Variants in PLCE1 observed in about 807,000 individuals in gnomAD.
The protein encoded by PLCE1 is phospholipase C epsilon 1, also known as 1-phosphatidylinositol 4,5-bisphosphate phosphodiesterase epsilon-1.
Under a neutral mutation model 242.8 loss-of-function variants are expected in PLCE1, and 119 were observed. The observed-to-expected ratio is 0.49, with a 90% CI of 0.42 to 0.57. The LOEUF (loss-of-function observed/expected upper bound fraction) is 0.57. Among genes scored for constraint, PLCE1 ranks in the 20% least tolerant of loss-of-function variants. PLCE1 has a pLI of 0.00. For synonymous variants in PLCE1, 945 were observed against 1,017.4 expected, an observed-to-expected ratio of 0.93 and a Z score of 1.35; for missense variants, 2,441 against 2,788.8, an observed-to-expected ratio of 0.88 and a Z score of 2.81.
At chr10:94,085,202 G>C (rs2044771033) in intron 2 of PLCE1, among the ~76,000 whole-genome samples, 1 of 152,106 alleles carries the variant, frequency 6.6e-6, no homozygotes, top group Non-Finnish European at 1.5e-5. Flanking sequence ...GCAGGATTTG[G>C]GGGGACATTA....
rs758602063 is a variant in PLCE1, at chr10:94,268,979, C to T, written c.4332C>T (p.Asp1444=). The T allele has an allele frequency of 2.6e-5, 42 of 1,612,176 alleles. No individual in the cohort carries two copies. Among genetic ancestry groups the T allele is most frequent in the Admixed American group, 3.3e-5 (2 of 59,928 alleles). The change falls in exon 17 of 33, where the codon GAC becomes GAT. Residue 1444 remains aspartate (D), a synonymous_variant. Coordinates refer to ENST00000371380, the MANE Select transcript of PLCE1 (RefSeq NM_016341.4). The stretch of plus-strand genomic sequence containing the variant: ...TAGAATTGGACTGCTGGGACGGAGA[C>T]GATGGGATGCCCATCATTTATCATG... ...RSVELDCWDG[D]DGMPIIYHGH...
At chr10:94,037,239 T>C (rs2061682168) in intron 2 of PLCE1, among the ~76,000 whole-genome samples, 1 of 152,196 alleles carries the variant, frequency 6.6e-6, no homozygotes, top group East Asian at 1.9e-4. Flanking sequence ...TGATTCTATA[T>C]TTTGTCTCTT....
chr10:94,076,688 A>AG (rs2044512239), intron 2 of PLCE1, among the ~76,000 whole-genome samples: 1 of 151,718 alleles, frequency 6.6e-6, no homozygotes, highest in Non-Finnish European at 1.5e-5. Context: ...GCAGACTGGA[A>AG]TACTTCCAGT....
intron 7 of PLCE1, among the ~76,000 whole-genome samples, chr10:94,242,083 C>T (rs1337688014): frequency 6.6e-6 from 1 of 152,044 alleles, no homozygotes; most frequent in Non-Finnish European, 1.5e-5. Context: ...TAACATTAAA[C>T]CCAGGATGAC....
rs367656255 is a variant in PLCE1 at position 94,234,095 on chromosome 10, C to T, written c.1997C>T (p.Ser666Phe). Residue 666 changes from serine (S) to phenylalanine (F), a missense_variant, in exon 6 of 33, where the codon TCT (serine) becomes TTT (phenylalanine). Ser to Phe is a radical substitution (Grantham distance 155). Around this residue, in one of 5 missense-constraint regions of PLCE1, gnomAD observed 733 missense variants for 754.2 expected, o/e 0.97. Transcript: ENST00000371380. ...AAAATGTGGCAGTTCATGGACCAGT[C>T]TGATATTGAGACCATGAGGAGCCTG... is the stretch of plus-strand genomic sequence containing the variant. ...VLKMWQFMDQ[S>F]DIETMRSLKD... 1.9e-6 allele frequency: 3 copies of T among 1,613,608 alleles called. No homozygotes were observed. The highest frequency in any genetic ancestry group is 2.5e-6 in the Non-Finnish European group (3 of 1,179,664).
Position 94,258,935 on chromosome 10 carries a change from G to T in PLCE1, c.3677+13G>T, listed in dbSNP as rs748709700. 4 of 1,614,066 alleles carry T rather than the reference G, an allele frequency of 2.5e-6. No homozygotes were observed. The Admixed American group carries it at 6.7e-5, about 27-fold the overall frequency. On this transcript the variant is annotated intron_variant, in intron 12 of 32. Coordinates refer to ENST00000371380, the MANE Select transcript of PLCE1 (RefSeq NM_016341.4). The stretch of plus-strand genomic sequence containing the variant: ...TCAAATCATTCAGGTACAGTCTTAT[G>T]TTTCCTTCTTATTCTTTCTCAGGCC...
rs539799063 is a variant in PLCE1 at position 94,293,261 on chromosome 10, T to C, written c.5036-247T>C. 7.8e-4 allele frequency among the ~76,000 whole-genome samples: 119 copies of C among 152,352 alleles called. 1 individual carries two copies. The highest frequency in any genetic ancestry group is 2.7e-3 in the African/African-American group (111 of 41,582). On this transcript the variant is annotated intron_variant, in intron 22 of 32. Transcript: ENST00000371380. Reference sequence around the variant, plus strand: ...TCTGATGCACAATCAGCTAAGTGTGTGTGTGATTTTGTGGTCATTCTGTGA... The same window carrying C: ...TCTGATGCACAATCAGCTAAGTGTGCGTGTGATTTTGTGGTCATTCTGTGA...
intron 2 of PLCE1, among the ~76,000 whole-genome samples, chr10:94,047,271 GTAGTCT>G (rs1174379957): frequency 1.3e-5 from 2 of 152,130 alleles, no homozygotes; most frequent in African/African-American, 2.4e-5. Context: ...GGTAATTTGG[GTAGTCT>G]TAGAAGGCTT....
intron 1 of PLCE1, among the ~76,000 whole-genome samples, chr10:94,020,663 T>A (rs1050346506): frequency 2.0e-5 from 3 of 152,136 alleles, no homozygotes; most frequent in Non-Finnish European, 2.9e-5. Context: ...AGATAGGGGT[T>A]GAGGTTCATT....
At position 94,070,824 on chromosome 10, in the gene PLCE1, T is replaced by A. The variant is rs184062094; in HGVS notation, c.1206+38572T>A. On this transcript the variant is annotated intron_variant, in intron 2 of 32. Coordinates refer to ENST00000371380, the MANE Select transcript of PLCE1 (RefSeq NM_016341.4). ...GTCTCCCCAGCTTCTATCTTTTCCC[T>A]ACATACAGGCTCAATTCCCATATCT... Among the ~76,000 whole-genome samples, 196 of 152,320 alleles carry A rather than the reference T, an allele frequency of 1.3e-3. 1 individual carries two copies. Among genetic ancestry groups the A allele is most frequent in the African/African-American group, 3.9e-3 (164 of 41,578 alleles).
rs879657795 is a variant in PLCE1, at chr10:94,298,167, GAGCCACCACACCC to G, written c.5168-200_5168-188del. Among the ~76,000 whole-genome samples, 4 of 152,154 alleles carry G rather than the reference GAGCCACCACACCC, an allele frequency of 2.6e-5. No individual in the cohort carries two copies. Among genetic ancestry groups the G allele is most frequent in the Admixed American group, 2.0e-4 (3 of 15,264 alleles). ...CCCAAAGTGCTGGGATTATAGGAATGAGCCACCACACCCAGCCACCACACTCATTTTAAAACTA... is the reference window on the plus strand; with the variant it reads ...CCCAAAGTGCTGGGATTATAGGAATGAGCCACCACACTCATTTTAAAACTA... On this transcript the variant is annotated intron_variant, in intron 23 of 32. Coordinates refer to ENST00000371380, the MANE Select transcript of PLCE1 (RefSeq NM_016341.4). This position sits in a 1 kb window ranked among gnomAD's most constrained non-coding sequence, Gnocchi z 5.2.
intron 17 of PLCE1, among the ~76,000 whole-genome samples, chr10:94,269,733 G>C (rs1458360466): frequency 6.6e-6 from 1 of 152,186 alleles, no homozygotes; most frequent in Admixed American, 6.5e-5. Flanking sequence ...TCAGGAGTTA[G>C]GAGATGGTTA....
intron 1 of PLCE1, among the ~76,000 whole-genome samples, chr10:94,016,438 T>C (rs2061284545): frequency 6.6e-6 from 1 of 152,144 alleles, no homozygotes; most frequent in Non-Finnish European, 1.5e-5. Context: ...TAAAGGTAAT[T>C]TTATATAATA....
chr10:94,293,600 C>G lies in PLCE1; in HGVS notation c.5128C>G (p.Pro1710Ala). 6.2e-7 allele frequency: 1 copy of G among 1,613,788 alleles called. No homozygotes were observed. The highest frequency in any genetic ancestry group is 1.1e-5 in the South Asian group (1 of 91,072). ...IFGNNPGRMS[P>A]GETASFNKTS... ...TGGCAACAATCCGGGCAGAATGAGC[C>G]CAGGGGAGACAGCATCATTTAACAA... is the stretch of plus-strand genomic sequence containing the variant. Residue 1710 changes from proline (P) to alanine (A), a missense_variant, in exon 23 of 33, where the codon CCA becomes GCA. By Grantham distance (27) the Pro-to-Ala change is conservative. Around this residue, in one of 5 missense-constraint regions of PLCE1, gnomAD observed 1,004 missense variants for 1,322.7 expected, o/e 0.76. Transcript: ENST00000371380.
At chr10:94,274,648 G>A (rs888479869) in intron 19 of PLCE1, among the ~76,000 whole-genome samples, 4 of 152,100 alleles carry the variant, frequency 2.6e-5, no homozygotes, top group South Asian at 2.1e-4. Flanking sequence ...GAGTGTGCAC[G>A]CCGTGTCAAA....
Position 94,327,952 on chromosome 10 carries a change from G to C in PLCE1, c.*25-16G>C. The C allele has an allele frequency of 1.9e-6, 1 of 532,074 alleles. No individual in the cohort carries two copies. The highest frequency in any genetic ancestry group is 3.9e-6 in the Non-Finnish European group (1 of 259,312). 33.0% of individuals were successfully genotyped at this position (532,074 alleles called of 1,614,324 possible). A position where few individuals can be genotyped will look rare whatever the true frequency, so the allele number is the denominator to read the frequency against. On this transcript the variant is annotated splice_polypyrimidine_tract_variant and intron_variant, in intron 32 of 32. Transcript: ENST00000371380. Reference sequence around the variant, plus strand: ...ATTTTCAGTATACTAATAAGCCTCTGTATACAACATTACAGGTGAAGATCT... The same window carrying C: ...ATTTTCAGTATACTAATAAGCCTCTCTATACAACATTACAGGTGAAGATCT...
chr10:94,289,167 C>T (rs965098530), intron 22 of PLCE1, among the ~76,000 whole-genome samples: 6 of 152,148 alleles, frequency 3.9e-5, no homozygotes, highest in African/African-American at 7.2e-5. Flanking sequence ...TAATTACCCT[C>T]GGTGCCTCCC....
chr10:94,325,180 A>G, intron 32 of PLCE1, 76 bp downstream of exon 32: 1 of 1,052,296 alleles, frequency 9.5e-7, no homozygotes, highest in Non-Finnish European at 1.5e-6. Flanking sequence ...AATTAGTACA[A>G]TGTCTTTTAT....
chr10:94,298,438 A>G lies in PLCE1; in HGVS notation c.5227A>G (p.Thr1743Ala). The G allele has an allele frequency of 6.2e-7, 1 of 1,614,090 alleles. No homozygotes were observed. The highest frequency in any genetic ancestry group is 2.2e-5 in the East Asian group (1 of 44,890). Residue 1743 changes from threonine (T) to alanine (A), a missense_variant, in exon 24 of 33, where the codon ACG (threonine) becomes GCG (alanine). Around this residue, in one of 5 missense-constraint regions of PLCE1, gnomAD observed 1,004 missense variants for 1,322.7 expected, o/e 0.76. Coordinates refer to ENST00000371380, the MANE Select transcript of PLCE1 (RefSeq NM_016341.4). The surrounding 1 kb of genome is among the most constrained non-coding windows in gnomAD (Gnocchi z 5.2). ...EESSSPLNPT[T>A]SLSAIIRTPK... ...ATCTTCTTCCCCTCTCAACCCAACC[A>G]CGTCCCTCAGTGCTATCATTAGAAC...
Sources: gnomAD v4.1 joint callset for allele counts (sites outside exome capture counted in the v4.1 genomes callset) on GRCh38, gnomAD v4.1.1 for gene constraint, gnomAD v4.1.1 regional missense constraint, Gnocchi (gnomAD v3.1) non-coding constraint, MANE v1.5 for transcripts, NCBI Gene and HGNC (gene_info 2026-07-23, HGNC 2026-07-21) for gene names.